CDH22: variants seen among roughly 807,000 people sequenced by gnomAD.
The protein encoded by CDH22 is cadherin 22, also known as cadherin-22.
In CDH22, 30 loss-of-function variants were observed where a neutral mutation model predicts 58.4. That is an observed-to-expected ratio of 0.51 (90% CI 0.38 to 0.70). The LOEUF is 0.70. CDH22 is among the 30% of genes least tolerant of loss of function. The pLI, the probability that CDH22 is intolerant of heterozygous loss-of-function variation, is 0.00. For missense variants in CDH22, 1,014 were observed against 1,233.9 expected, an observed-to-expected ratio of 0.82 and a Z score of 2.67; for synonymous variants, 513 against 558.2, an observed-to-expected ratio of 0.92 and a Z score of 1.14.
chr20:46,305,853 A>G lies in CDH22; in HGVS notation c.-400+2402T>C, dbSNP rs562010938. Among the ~76,000 whole-genome samples, 5 of 152,366 alleles carry G rather than the reference A, an allele frequency of 3.3e-5. No individual in the cohort carries two copies. In the South Asian group the frequency reaches 8.3e-4, roughly 25 times the overall value. On this transcript the variant is annotated intron_variant, in intron 1 of 11. Transcript: ENST00000537909. ...TAGCTATGGCCCGGCCCCCTGTCAG[A>G]CAACTTCAGAATGCAGCGCTCCTGC...
chr20:46,186,652 G>A lies in CDH22; in HGVS notation c.1599C>T (p.Arg533=). ...VDRDEPQGGH[R]FYFRLVPEAP... is the part of the protein sequence containing the mutation. ...CTTCAGGCACCAGGCGGAAATAGAA[G>A]CGGTGCCCGCCTTGGGGCTCGTCTC... is the stretch of plus-strand genomic sequence containing the variant. The change falls in exon 10 of 12, where the codon CGC becomes CGT. Residue 533 remains arginine, a synonymous_variant. Coordinates refer to ENST00000537909, the MANE Select transcript of CDH22 (RefSeq NM_021248.3). 6.2e-7 allele frequency: 1 copy of A among 1,613,642 alleles called. No homozygotes were observed. Among genetic ancestry groups the A allele is most frequent in the South Asian group, 1.1e-5 (1 of 91,054 alleles).
chr20:46,258,261 G>A (rs2145744958), intron 1 of CDH22, among the ~76,000 whole-genome samples: 1 of 152,178 alleles, frequency 6.6e-6, no homozygotes, highest in Admixed American at 6.5e-5. Context: ...GGTCCCTCTT[G>A]GGATTTGTGA....
chr20:46,287,023 C>T (rs745330239), intron 1 of CDH22, among the ~76,000 whole-genome samples: 5 of 152,096 alleles, frequency 3.3e-5, no homozygotes, highest in Non-Finnish European at 7.4e-5. Context: ...TTACTAAGCC[C>T]TCTGAGGGAT....
chr20:46,282,707 C>T (rs1203010562), intron 1 of CDH22, among the ~76,000 whole-genome samples: 2 of 152,038 alleles, frequency 1.3e-5, no homozygotes, highest in Admixed American at 6.5e-5. Context: ...ATGTTCCCGT[C>T]GTCTTCTCAG....
chr20:46,305,473 G>A (rs1019726013), intron 1 of CDH22, among the ~76,000 whole-genome samples: 1 of 152,174 alleles, frequency 6.6e-6, no homozygotes, highest in African/African-American at 2.4e-5. Flanking sequence ...CTGGTCCCCA[G>A]CCCCTAGCAC....
intron 1 of CDH22, among the ~76,000 whole-genome samples, chr20:46,297,440 C>T (rs376679953): frequency 6.7e-6 from 1 of 150,162 alleles, no homozygotes; most frequent in Non-Finnish European, 1.5e-5. Flanking sequence ...TGGGGGGCTC[C>T]GTGGAGGGTT....
rs368091518 is a variant in CDH22, at chr20:46,198,287, GACACACAC to G, written c.1423+1128_1423+1135del. Among the ~76,000 whole-genome samples the G allele has an allele frequency of 1.8e-3, 230 of 128,702 alleles. 4 individuals carry two copies. The East Asian group carries it at 0.026, about 14-fold the overall frequency. The allele number at this position is 128,702 out of a possible 152,430, so 84.4% of individuals were successfully genotyped here. ...CATTTCTCCCTAGCTGCACCAAAAA[GACACACAC>G]ACACACACACACACACACACACACA... On this transcript the variant is annotated intron_variant, in intron 8 of 11. Transcript: ENST00000537909.
intron 4 of CDH22, among the ~76,000 whole-genome samples, chr20:46,217,955 C>T (rs1045972583): frequency 6.6e-6 from 1 of 150,606 alleles, no homozygotes; most frequent in African/African-American, 2.5e-5. Flanking sequence ...GAAACAGAAT[C>T]TCACTTTGTT....
At chr20:46,187,990 C>T (rs542758982) in intron 8 of CDH22, among the ~76,000 whole-genome samples, 29 of 152,298 alleles carry the variant, frequency 1.9e-4, no homozygotes, top group African/African-American at 4.8e-4. Flanking sequence ...GGTAGATCTT[C>T]GCCAGCAAAA....
chr20:46,283,511 G>T (rs987526188), intron 1 of CDH22, among the ~76,000 whole-genome samples: 2 of 152,148 alleles, frequency 1.3e-5, no homozygotes, highest in Admixed American at 1.3e-4. Flanking sequence ...TGTCATTACC[G>T]TAGTTACAAG....
intron 1 of CDH22, among the ~76,000 whole-genome samples, chr20:46,274,523 T>C (rs1051649150): frequency 3.3e-5 from 5 of 152,248 alleles, no homozygotes; most frequent in African/African-American, 4.8e-5. Context: ...TTTGGTAGTT[T>C]CTTTAAAAGT....
At chr20:46,306,770 G>A (rs1308677939) in intron 1 of CDH22, among the ~76,000 whole-genome samples, 1 of 152,232 alleles carries the variant, frequency 6.6e-6, no homozygotes, top group Non-Finnish European at 1.5e-5. Context: ...AAGACCAAAG[G>A]ATGTCACTAT....
chr20:46,275,235 C>T (rs1852105961), intron 1 of CDH22, among the ~76,000 whole-genome samples: 1 of 152,250 alleles, frequency 6.6e-6, no homozygotes, highest in African/African-American at 2.4e-5. Context: ...TCTGCTCCAG[C>T]CCTGCTGGCC....
intron 1 of CDH22, among the ~76,000 whole-genome samples, chr20:46,291,557 C>T (rs1056444067): frequency 6.6e-6 from 1 of 152,226 alleles, no homozygotes; most frequent in African/African-American, 2.4e-5. Context: ...CATTTGCTTC[C>T]TCTGCCGTCG....
At chr20:46,305,133 A>G (rs1217642831) in intron 1 of CDH22, among the ~76,000 whole-genome samples, 3 of 152,234 alleles carry the variant, frequency 2.0e-5, no homozygotes, top group Non-Finnish European at 4.4e-5. Flanking sequence ...CCCTCCTGCC[A>G]GATACACAGA....
intron 4 of CDH22, among the ~76,000 whole-genome samples, chr20:46,220,163 T>C (rs1475103057): frequency 6.9e-6 from 1 of 145,248 alleles, no homozygotes; most frequent in Admixed American, 6.9e-5. Flanking sequence ...AGAGGGAGAC[T>C]GAAAGGGACA....
chr20:46,300,508 A>G lies in CDH22; in HGVS notation c.-400+7747T>C, dbSNP rs1412950580. Reference sequence around the variant, plus strand: ...CAAGCGCGCGTGTGCGTGCGCGTGCACACACACATACACACACACTCCACC... The same window carrying G: ...CAAGCGCGCGTGTGCGTGCGCGTGCGCACACACATACACACACACTCCACC... On this transcript the variant is annotated intron_variant, in intron 1 of 11. Transcript: ENST00000537909. The surrounding 1 kb of genome is among the most constrained non-coding windows in gnomAD (Gnocchi z 4.4). Among the ~76,000 whole-genome samples the G allele has an allele frequency of 6.6e-6, 1 of 152,156 alleles. No individual in the cohort carries two copies. The highest frequency in any genetic ancestry group is 1.9e-4 in the East Asian group (1 of 5,186).
intron 8 of CDH22, 118 bp from the exon 9 acceptor site, chr20:46,187,065 A>G: frequency 9.4e-7 from 1 of 1,068,322 alleles, no homozygotes. Flanking sequence ...TTGTGGGTTA[A>G]CCAAGCTGGT....
chr20:46,175,048 G>T lies in CDH22; in HGVS notation c.1945C>A (p.Arg649Ser). 1 of 1,608,888 alleles carries T rather than the reference G, an allele frequency of 6.2e-7. No individual in the cohort carries two copies. Among genetic ancestry groups the T allele is most frequent in the Non-Finnish European group, 8.5e-7 (1 of 1,179,072 alleles). ...GAGCTCAGGTGGCTCTTGTGGTGGC[G>T]CCTGAGGGTGAGGATCAGCAGCACC... The part of the protein sequence containing the change: ...VLVLLILTLR[R>S]HHKSHLSSDE... Residue 649 changes from arginine to serine, a missense_variant, in exon 12 of 12, where the codon CGC (arginine) becomes AGC (serine). Around this residue, in one of 2 missense-constraint regions of CDH22, gnomAD observed 806 missense variants for 1,038.7 expected, o/e 0.78. Coordinates refer to ENST00000537909, the MANE Select transcript of CDH22 (RefSeq NM_021248.3).
Sources: gnomAD v4.1 joint callset for allele counts (sites outside exome capture counted in the v4.1 genomes callset) on GRCh38, gnomAD v4.1.1 for gene constraint, gnomAD v4.1.1 regional missense constraint, Gnocchi (gnomAD v3.1) non-coding constraint, MANE v1.5 for transcripts, NCBI Gene and HGNC (gene_info 2026-07-23, HGNC 2026-07-21) for gene names.